SYBU: variants seen among roughly 807,000 people sequenced by gnomAD.
SYBU encodes syntabulin.
SYBU carries 21 observed loss-of-function variants against 35.9 expected under a neutral mutation model. The observed-to-expected ratio is 0.58, with a 90% CI of 0.41 to 0.84. The LOEUF (loss-of-function observed/expected upper bound fraction) is 0.84. Among genes scored for constraint, SYBU ranks in the 40% least tolerant of loss-of-function variants. The pLI, the probability that SYBU is intolerant of heterozygous loss-of-function variation, is 0.00. For synonymous variants in SYBU, 319 were observed against 324.3 expected (o/e 0.98, Z 0.18); for missense variants, 768 against 848.2 (o/e 0.91, Z 1.17).
intron 1 of SYBU, among the ~76,000 whole-genome samples, chr8:109,673,026 C>T (rs1447705211): frequency 6.6e-6 from 1 of 152,204 alleles, no homozygotes; most frequent in African/African-American, 2.4e-5. Flanking sequence ...AAAGCAGCAG[C>T]CCCACTCAGG....
At position 109,574,751 on chromosome 8, in the gene SYBU, T is replaced by TAAAC. The variant is rs1349557130; in HGVS notation, c.*151_*154dup. On this transcript the variant is annotated 3_prime_UTR_variant, in exon 7 of 7. Transcript: ENST00000276646. ...ATGCCTTTGAAGATACCTCCGGTTT[T>TAAAC]AAACAGTGAACAGGCTTCAACTAAA... 1.3e-6 allele frequency: 1 copy of TAAAC among 772,576 alleles called. No individual in the cohort carries two copies. The highest frequency in any genetic ancestry group is 2.8e-5 in the East Asian group (1 of 35,500). The allele number at this position is 772,576 out of a possible 1,614,324, so 47.9% of individuals were successfully genotyped here.
chr8:109,590,580 A>T (rs1399360037), intron 3 of SYBU, among the ~76,000 whole-genome samples: 1 of 152,166 alleles, frequency 6.6e-6, no homozygotes, highest in East Asian at 1.9e-4. Context: ...AGCTAAACAC[A>T]AAAGAAGAGA....
chr8:109,577,328 C>T (rs1332948455), intron 6 of SYBU, among the ~76,000 whole-genome samples: 1 of 151,496 alleles, frequency 6.6e-6, no homozygotes, highest in Non-Finnish European at 1.5e-5. Context: ...TGTCAAAAGT[C>T]TTCTCCCTCA....
intron 1 of SYBU, among the ~76,000 whole-genome samples, chr8:109,676,436 A>G (rs1422368219): frequency 6.6e-6 from 1 of 152,184 alleles, no homozygotes. Flanking sequence ...AACTTCCTCA[A>G]AGTCTTAGGA....
rs550463741 is a variant in SYBU at position 109,603,783 on chromosome 8, A to G, written c.427+15059T>C. Among the ~76,000 whole-genome samples, 11 of 152,340 alleles carry G rather than the reference A, an allele frequency of 7.2e-5. No homozygotes were observed. The East Asian group carries it at 1.5e-3, about 21-fold the overall frequency. Reference sequence around the variant, plus strand: ...AAGGGCACATATCTAAGCTGGTAACATTATTTTTAAAGTGCAAGGAAATGT... The same window carrying G: ...AAGGGCACATATCTAAGCTGGTAACGTTATTTTTAAAGTGCAAGGAAATGT... On this transcript the variant is annotated intron_variant, in intron 3 of 6. Coordinates refer to ENST00000276646, the MANE Select transcript of SYBU (RefSeq NM_001099754.2).
intron 2 of SYBU, among the ~76,000 whole-genome samples, chr8:109,638,555 AG>A (rs918285466): frequency 6.6e-6 from 1 of 152,164 alleles, no homozygotes; most frequent in Admixed American, 6.5e-5. Context: ...TTTTTTTAAA[AG>A]GGGACAGGAA....
At position 109,576,016 on chromosome 8, in the gene SYBU, A is replaced by G; in HGVS notation, c.885-3T>C. 1 of 1,304,644 alleles carries G rather than the reference A, an allele frequency of 7.7e-7. No homozygotes were observed. 80.8% of individuals were successfully genotyped at this position (1,304,644 alleles called of 1,614,324 possible). A position where few individuals can be genotyped will look rare whatever the true frequency, so the allele number is the denominator to read the frequency against. On this transcript the variant is annotated splice_region_variant and splice_polypyrimidine_tract_variant and intron_variant, in intron 6 of 6. Transcript: ENST00000276646. Reference sequence around the variant, plus strand: ...TAAGCTCCACGATTTCACTTTCCCTAGAGTGCCAAGACAAGCATGGTTAAT... The same window carrying G: ...TAAGCTCCACGATTTCACTTTCCCTGGAGTGCCAAGACAAGCATGGTTAAT...
At chr8:109,621,696 C>T (rs181672981) in intron 2 of SYBU, among the ~76,000 whole-genome samples, 2 of 152,300 alleles carry the variant, frequency 1.3e-5, no homozygotes, top group Middle Eastern at 6.8e-3. Flanking sequence ...ATGTCACTTA[C>T]AATGCATAGT....
intron 1 of SYBU, among the ~76,000 whole-genome samples, chr8:109,659,505 A>G (rs58404081): frequency 0.06 from 9,060 of 152,240 alleles, 802 homozygotes; most frequent in African/African-American, 0.19. Flanking sequence ...TTTAATGAGA[A>G]GCCCATGATG....
chr8:109,642,850 T>C lies in SYBU; in HGVS notation c.107A>G (p.Gln36Arg). 1.9e-6 allele frequency: 3 copies of C among 1,610,620 alleles called. No individual in the cohort carries two copies. The highest frequency in any genetic ancestry group is 2.5e-6 in the Non-Finnish European group (3 of 1,178,386). ...PRLILRPHMPQQQHKVSPASE... is the reference protein window; with the variant it reads ...PRLILRPHMPRQQHKVSPASE... ...GGCTGGGGACACTTTGTGCTGTTGT[T>C]GGGGCATATGGGGCCGAAGAATCAA... is the stretch of plus-strand genomic sequence containing the variant. Residue 36 changes from glutamine to arginine, a missense_variant, in exon 2 of 7, where the codon CAA becomes CGA. Coordinates refer to ENST00000276646, the MANE Select transcript of SYBU (RefSeq NM_001099754.2).
chr8:109,621,825 C>CTTTGT (rs1249572869), intron 2 of SYBU, among the ~76,000 whole-genome samples: 1 of 152,168 alleles, frequency 6.6e-6, no homozygotes, highest in Non-Finnish European at 1.5e-5. Flanking sequence ...ACAAAGGAAT[C>CTTTGT]TAGAAAGGGC....
In SYBU at chr8:109,636,643, G is replaced by C. The variant is rs192019043; in HGVS notation, c.229+6085C>G. Among the ~76,000 whole-genome samples the C allele has an allele frequency of 1.7e-3, 263 of 151,974 alleles. 2 individuals carry two copies. Among genetic ancestry groups the C allele is most frequent in the South Asian group, 0.013 (64 of 4,814 alleles). On this transcript the variant is annotated intron_variant, in intron 2 of 6. Transcript: ENST00000276646. ...TTCAGTGAATCTACTGGATGTTCAG[G>C]GTATACTCTTGGTATCAGTATATCC...
chr8:109,678,502 G>A (rs111233148), intron 1 of SYBU, among the ~76,000 whole-genome samples: 193 of 137,664 alleles, frequency 1.4e-3, no homozygotes, highest in Middle Eastern at 0.013. Flanking sequence ...ATGCAGTGGC[G>A]TGATCTCTGC....
intron 3 of SYBU, among the ~76,000 whole-genome samples, chr8:109,591,361 A>G (rs994074531): frequency 1.3e-5 from 2 of 152,158 alleles, no homozygotes; most frequent in African/African-American, 2.4e-5. Flanking sequence ...GAAAGTGTGG[A>G]TATAAAGAGA....
intron 2 of SYBU, among the ~76,000 whole-genome samples, chr8:109,625,262 A>C (rs932638380): frequency 6.6e-6 from 1 of 152,238 alleles, no homozygotes. Context: ...TCCTGCTATC[A>C]TTTAATCTAG....
chr8:109,682,540 T>G (rs1817425404), upstream of SYBU, among the ~76,000 whole-genome samples: 1 of 152,080 alleles, frequency 6.6e-6, no homozygotes, highest in Non-Finnish European at 1.5e-5. Flanking sequence ...GGGTATCTGG[T>G]GGAAGAAATT....
intron 1 of SYBU, among the ~76,000 whole-genome samples, chr8:109,675,622 G>A (rs1442409387): frequency 6.6e-6 from 1 of 152,100 alleles, no homozygotes; most frequent in Non-Finnish European, 1.5e-5. Context: ...CCAATAACAA[G>A]TTCTGAAATT....
At chr8:109,593,798 C>A (rs983195064) in intron 3 of SYBU, among the ~76,000 whole-genome samples, 6 of 152,178 alleles carry the variant, frequency 3.9e-5, no homozygotes, top group Non-Finnish European at 7.3e-5. Context: ...AGCTCAGGAA[C>A]CACTCCAGTG....
At chr8:109,625,936 A>G (rs1812933290) in intron 2 of SYBU, among the ~76,000 whole-genome samples, 1 of 152,164 alleles carries the variant, frequency 6.6e-6, no homozygotes. Flanking sequence ...AACATACTCC[A>G]CTTATTAAAT....
Sources: gnomAD v4.1 joint callset for allele counts (sites outside exome capture counted in the v4.1 genomes callset) on GRCh38, gnomAD v4.1.1 for gene constraint, MANE v1.5 for transcripts, NCBI Gene and HGNC (gene_info 2026-07-23, HGNC 2026-07-21) for gene names.